Variants in ZDHHC20 observed in about 807,000 individuals in gnomAD.
ZDHHC20 encodes the protein palmitoyltransferase ZDHHC20.
Under a neutral mutation model 57.8 loss-of-function variants are expected in ZDHHC20, and 43 were observed. That is an observed-to-expected ratio of 0.74 (90% CI 0.58 to 0.96). ZDHHC20 has a LOEUF of 0.96. ZDHHC20 is among the 40% of genes least tolerant of loss of function. ZDHHC20 has a pLI of 0.00. For synonymous variants in ZDHHC20, 157 were observed against 153.0 expected (o/e 1.03, Z -0.19); for missense variants, 391 against 441.1 (o/e 0.89, Z 1.02).
Position 21,448,627 on chromosome 13 carries a change from C to T in ZDHHC20, c.118+10427G>A, listed in dbSNP as rs1320756083. Among the ~76,000 whole-genome samples, 12 of 97,804 alleles carry T rather than the reference C, an allele frequency of 1.2e-4. 4 individuals carry two copies. The highest frequency in any genetic ancestry group is 3.7e-4 in the African/African-American group (12 of 32,076). The allele number at this position is 97,804 out of a possible 152,430, so 64.2% of individuals were successfully genotyped here. Reference sequence around the variant, plus strand: ...CAGCCCCCTGCCCGGCCGGCCGCCCCGTCCGGGAGGTGAGGGGCGCCTCTG... The same window carrying T: ...CAGCCCCCTGCCCGGCCGGCCGCCCTGTCCGGGAGGTGAGGGGCGCCTCTG... On this transcript the variant is annotated intron_variant, in intron 1 of 12. Coordinates refer to ENST00000400590, the MANE Select transcript of ZDHHC20 (RefSeq NM_001330059.2).
rs1880589866 is a variant in ZDHHC20, at chr13:21,421,058, T to C, written c.249+3A>G. Reference sequence around the variant, plus strand: ...TTTGGTAATTTACCAACATTAAATTTACCTCTTTGGAGGGGGAAGCGGGAG... The same window carrying C: ...TTTGGTAATTTACCAACATTAAATTCACCTCTTTGGAGGGGGAAGCGGGAG... On this transcript the variant is annotated splice_donor_region_variant and intron_variant, in intron 3 of 12. Transcript: ENST00000400590. 6.2e-7 allele frequency: 1 copy of C among 1,609,360 alleles called. No individual in the cohort carries two copies. Among genetic ancestry groups the C allele is most frequent in the African/African-American group, 1.3e-5 (1 of 74,794 alleles).
At chr13:21,404,819 T>C (rs2137814330) in intron 4 of ZDHHC20, among the ~76,000 whole-genome samples, 1 of 151,798 alleles carries the variant, frequency 6.6e-6, no homozygotes, top group East Asian at 1.9e-4. Flanking sequence ...AGAATATATA[T>C]TTTCTTTTTA....
chr13:21,377,756 A>C (rs1760928413), intron 12 of ZDHHC20: 1 of 160,528 alleles, frequency 6.2e-6, no homozygotes, highest in Non-Finnish European at 1.4e-5. Flanking sequence ...CTCTGCAAGG[A>C]CCTAACTGCT....
At chr13:21,431,992 TTCATGC>T (rs1221859058) in intron 1 of ZDHHC20, among the ~76,000 whole-genome samples, 1 of 152,124 alleles carries the variant, frequency 6.6e-6, no homozygotes, top group Non-Finnish European at 1.5e-5. Context: ...TCTTTTATCA[TTCATGC>T]CTGGGAAATC....
rs377727202 is a variant in ZDHHC20 at position 21,393,317 on chromosome 13, A to G, written c.595-1463T>C. Among the ~76,000 whole-genome samples, 13 of 152,176 alleles carry G rather than the reference A, an allele frequency of 8.5e-5. No homozygotes were observed. In the East Asian group the frequency reaches 2.1e-3, roughly 25 times the overall value. On this transcript the variant is annotated intron_variant, in intron 7 of 12. Coordinates refer to ENST00000400590, the MANE Select transcript of ZDHHC20 (RefSeq NM_001330059.2). ...TGAGTTTGAGACCAGCCTGGCCAAC[A>G]TGGTGAAACCCTGTCTCTACTAAAA... is the stretch of plus-strand genomic sequence containing the variant.
intron 1 of ZDHHC20, among the ~76,000 whole-genome samples, chr13:21,452,880 G>A (rs1884584099): frequency 6.6e-6 from 1 of 152,102 alleles, no homozygotes; most frequent in Non-Finnish European, 1.5e-5. Flanking sequence ...AAATTGTAAA[G>A]ATCAATTAAT....
intron 12 of ZDHHC20, chr13:21,377,895 T>C (rs1872525169): frequency 6.6e-6 from 1 of 152,350 alleles, no homozygotes; most frequent in Non-Finnish European, 1.5e-5. Context: ...ATGTTTGTGG[T>C]AATTTCCTAC....
chr13:21,456,435 G>C (rs1030042042), intron 1 of ZDHHC20, among the ~76,000 whole-genome samples: 1 of 151,922 alleles, frequency 6.6e-6, no homozygotes, highest in East Asian at 1.9e-4. Flanking sequence ...TAAATAAAAA[G>C]AATATCCTAT....
chr13:21,450,572 A>G (rs1279167303), intron 1 of ZDHHC20, among the ~76,000 whole-genome samples: 3 of 152,200 alleles, frequency 2.0e-5, no homozygotes, highest in Admixed American at 6.5e-5. Flanking sequence ...ACTCACTAGT[A>G]GTCATGAGAA....
At chr13:21,422,085 T>A (rs1015966352) in intron 2 of ZDHHC20, among the ~76,000 whole-genome samples, 9 of 152,082 alleles carry the variant, frequency 5.9e-5, no homozygotes, top group African/African-American at 2.2e-4. Context: ...TGCAAAACAC[T>A]TAGAAGGATG....
chr13:21,419,600 C>T (rs9509690), intron 3 of ZDHHC20, among the ~76,000 whole-genome samples: 26,430 of 152,212 alleles, frequency 0.17, 2,817 homozygotes, highest in Non-Finnish European at 0.25. Context: ...AGAAGCCACA[C>T]ACACATATGA....
At chr13:21,398,536 T>G (rs1418562376) in intron 7 of ZDHHC20, among the ~76,000 whole-genome samples, 2 of 152,138 alleles carry the variant, frequency 1.3e-5, no homozygotes, top group African/African-American at 4.8e-5. Flanking sequence ...GAGCTTAGAT[T>G]CTGGCAAATA....
At chr13:21,420,144 G>A (rs533021961) in intron 3 of ZDHHC20, among the ~76,000 whole-genome samples, 142 of 152,108 alleles carry the variant, frequency 9.3e-4, no homozygotes, top group African/African-American at 3.2e-3. Flanking sequence ...AAAATTAGCC[G>A]GGCATGGTGA....
At chr13:21,424,748 T>C (rs990970835) in intron 2 of ZDHHC20, among the ~76,000 whole-genome samples, 1 of 150,470 alleles carries the variant, frequency 6.6e-6, no homozygotes, top group Non-Finnish European at 1.5e-5. Flanking sequence ...ACGGTAAAAA[T>C]AGCCCCAAGA....
At chr13:21,385,173 A>G (rs994041940) in intron 9 of ZDHHC20, among the ~76,000 whole-genome samples, 17 of 152,210 alleles carry the variant, frequency 1.1e-4, no homozygotes, top group African/African-American at 3.9e-4. Flanking sequence ...TCATGCCTGT[A>G]ATAGCAGCAC....
At chr13:21,444,399 G>T (rs1014035822) in intron 1 of ZDHHC20, among the ~76,000 whole-genome samples, 1 of 152,048 alleles carries the variant, frequency 6.6e-6, no homozygotes, top group Admixed American at 6.6e-5. Context: ...TAAGCAAAAG[G>T]GAGAGAATTT....
At chr13:21,429,337 G>A (rs926583238) in intron 1 of ZDHHC20, among the ~76,000 whole-genome samples, 11 of 152,200 alleles carry the variant, frequency 7.2e-5, no homozygotes, top group Non-Finnish European at 1.5e-4. Flanking sequence ...CTATCTGAAT[G>A]TACAACTGTC....
rs145674934 is a variant in ZDHHC20 at position 21,375,226 on chromosome 13, C to G, written c.*1470G>C. On this transcript the variant is annotated 3_prime_UTR_variant, in exon 13 of 13. Transcript: ENST00000400590. ...TAGAAGTCATCCAGTCCAACTTATTCACAACACCCCCTCCCCTGCAGTCCC... is the reference window on the plus strand; with the variant it reads ...TAGAAGTCATCCAGTCCAACTTATTGACAACACCCCCTCCCCTGCAGTCCC... 241 of 454,386 alleles carry G rather than the reference C, an allele frequency of 5.3e-4. No homozygotes were observed. Among genetic ancestry groups the G allele is most frequent in the African/African-American group, 4.0e-3 (201 of 50,088 alleles). The allele number at this position is 454,386 out of a possible 1,614,324, so 28.1% of individuals were successfully genotyped here. A position where few individuals can be genotyped will look rare whatever the true frequency, so the allele number is the denominator to read the frequency against.
At chr13:21,445,812 G>A (rs574530233) in intron 1 of ZDHHC20, among the ~76,000 whole-genome samples, 17 of 152,294 alleles carry the variant, frequency 1.1e-4, no homozygotes, top group African/African-American at 3.6e-4. Flanking sequence ...AATAATAGGC[G>A]CTATGAGGGG....
Sources: allele counts gnomAD v4.1 joint callset (sites outside exome capture counted in the v4.1 genomes callset), GRCh38; gene constraint gnomAD v4.1.1; transcripts MANE v1.5; gene names NCBI Gene and HGNC (gene_info 2026-07-23, HGNC 2026-07-21).